Variants in MGAM observed in about 807,000 individuals in gnomAD.
MGAM encodes the protein alpha-1,4-glucosidase.
In MGAM, 253 loss-of-function variants were observed where a neutral mutation model predicts 358.8. The observed-to-expected ratio is 0.71, with a 90% CI of 0.64 to 0.78. The LOEUF (loss-of-function observed/expected upper bound fraction) is 0.78, where lower values mean the gene tolerates loss of function less well. MGAM is among the 30% of genes least tolerant of loss of function. The pLI is 0.00. For missense variants in MGAM, 3,080 were observed against 3,432.6 expected, an observed-to-expected ratio of 0.90 and a Z score of 2.57; for synonymous variants, 1,105 against 1,227.1, an observed-to-expected ratio of 0.90 and a Z score of 2.08.
chr7:142,076,527 A>G (rs2129050145), intron 46 of MGAM, 132 bp from the exon 47 acceptor site: 1 of 924,618 alleles, frequency 1.1e-6, no homozygotes, highest in East Asian at 2.5e-5. Flanking sequence ...TTGAGCAGAC[A>G]CTAGTAGAGA....
rs782294372 is a variant in MGAM, at chr7:142,021,010, C to T, written c.485C>T (p.Pro162Leu). 6.2e-7 allele frequency: 1 copy of T among 1,613,550 alleles called. No homozygotes were observed. The highest frequency in any genetic ancestry group is 1.1e-5 in the South Asian group (1 of 91,076). ...TARLKNLPSS[P>L]VFGSNVDNVL... ...CGGTTGAAAAATCTGCCTTCTTCACCAGTGTTTGGAAGCAATGTTGACAAT... is the reference window on the plus strand; with the variant it reads ...CGGTTGAAAAATCTGCCTTCTTCACTAGTGTTTGGAAGCAATGTTGACAAT... Residue 162 changes from proline to leucine, a missense_variant, in exon 5 of 71, where the codon CCA becomes CTA. Pro to Leu is a moderately conservative substitution (Grantham distance 98). Coordinates refer to ENST00000475668, the MANE Select transcript of MGAM (RefSeq NM_001365693.1).
intron 64 of MGAM, 173 bp from the exon 65 acceptor site, chr7:142,096,158 C>T (rs1330489915): frequency 6.0e-6 from 4 of 666,546 alleles, no homozygotes; most frequent in Admixed American, 2.5e-5. Context: ...GAGGCACATC[C>T]CATGGGGAAA....
intron 19 of MGAM, among the ~76,000 whole-genome samples, chr7:142,039,589 A>G (rs73740232): frequency 0.069 from 10,534 of 152,096 alleles, 1,199 homozygotes; most frequent in African/African-American, 0.24. Context: ...CATCCAAACT[A>G]TATCAAGAGT....
rs1248114304 is a variant in MGAM at position 142,056,920 on chromosome 7, T to G, written c.3671T>G (p.Leu1224Arg). The G allele has an allele frequency of 1.2e-6, 2 of 1,613,756 alleles. No individual in the cohort carries two copies. The highest frequency in any genetic ancestry group is 1.3e-5 in the African/African-American group (1 of 74,908). ...FYVFLGPTPE[L>R]VTQQYTELIG... ...GTGTTCTTGGGGCCGACTCCAGAGC[T>G]TGTCACCCAGCAGTACACTGAGGTA... Residue 1224 changes from leucine (L) to arginine (R), a missense_variant, in exon 30 of 71, where the codon CTT becomes CGT. Around this residue, in one of 5 missense-constraint regions of MGAM, gnomAD observed 1,816 missense variants for 1,840.5 expected, o/e 0.99. Coordinates refer to ENST00000475668, the MANE Select transcript of MGAM (RefSeq NM_001365693.1).
At position 142,082,007 on chromosome 7, in the gene MGAM, A is replaced by G. The variant is rs1814340068; in HGVS notation, c.6003-35A>G. On this transcript the variant is annotated intron_variant, in intron 50 of 70. Coordinates refer to ENST00000475668, the MANE Select transcript of MGAM (RefSeq NM_001365693.1). Reference sequence around the variant, plus strand: ...CTGCTGGAAGCAGAGAGAAAAGCCCATTTTCTGTTTCAAATCTGCCTTTTT... The same window carrying G: ...CTGCTGGAAGCAGAGAGAAAAGCCCGTTTTCTGTTTCAAATCTGCCTTTTT... The G allele has an allele frequency of 1.9e-6, 3 of 1,542,732 alleles. No homozygotes were observed. In the African/African-American group the frequency reaches 4.0e-5, roughly 21 times the overall value.
Position 142,105,840 on chromosome 7 carries a change from A to C in MGAM, c.8211A>C (p.Arg2737Ser). ...TATTAAGCATCGATGTGACTGACAGAAACATCAGCCTACATAATTTTACTT... is the reference window on the plus strand; with the variant it reads ...TATTAAGCATCGATGTGACTGACAGCAACATCAGCCTACATAATTTTACTT... ...TQVLSIDVTD[R>S]NISLHNFTSL... Residue 2737 changes from arginine to serine, a missense_variant, in exon 71 of 71, where the codon AGA becomes AGC. Around this residue, in one of 5 missense-constraint regions of MGAM, gnomAD observed 194 missense variants for 172.8 expected, o/e 1.12. Transcript: ENST00000475668. The C allele has an allele frequency of 6.2e-7, 1 of 1,613,584 alleles. No individual in the cohort carries two copies.
intron 1 of MGAM, among the ~76,000 whole-genome samples, chr7:141,996,623 A>G (rs1264906831): frequency 6.6e-6 from 1 of 152,210 alleles, no homozygotes; most frequent in African/African-American, 2.4e-5. Context: ...GTGAGATTAG[A>G]GCATTTTCCC....
intron 7 of MGAM, 47 bp downstream of exon 7, chr7:142,022,486 T>G: frequency 6.4e-7 from 1 of 1,569,212 alleles, no homozygotes; most frequent in Non-Finnish European, 8.7e-7. Context: ...ATAGTCTCAT[T>G]CTTAAAGGTC....
chr7:141,995,674 C>A (rs531218761), upstream of MGAM, among the ~76,000 whole-genome samples: 1 of 152,292 alleles, frequency 6.6e-6, no homozygotes, highest in East Asian at 1.9e-4. Context: ...TGGAGTGGGT[C>A]ATGGGAGCTG....
chr7:142,002,567 C>G (rs1015982554), intron 1 of MGAM, among the ~76,000 whole-genome samples: 2 of 151,890 alleles, frequency 1.3e-5, no homozygotes, highest in Non-Finnish European at 2.9e-5. Context: ...GTAGGGAGAC[C>G]ATACCTCAAA....
chr7:142,065,225 C>T, intron 37 of MGAM, 110 bp from the exon 38 acceptor site: 2 of 1,432,474 alleles, frequency 1.4e-6, no homozygotes, highest in Non-Finnish European at 1.9e-6. Flanking sequence ...CATGTTCCCT[C>T]CAGTCACGCA....
intron 49 of MGAM, 135 bp downstream of exon 49, chr7:142,079,143 G>T: frequency 1.2e-6 from 1 of 867,286 alleles, no homozygotes. Flanking sequence ...AGAACATTGA[G>T]AAATCATTGA....
At chr7:142,095,222 C>T (rs1815786129) in intron 63 of MGAM, among the ~76,000 whole-genome samples, 1 of 152,196 alleles carries the variant, frequency 6.6e-6, no homozygotes, top group Non-Finnish European at 1.5e-5. Context: ...GCTGGGATTA[C>T]AGGCGTGAGC....
chr7:142,009,064 A>C (rs1805398778), intron 3 of MGAM, among the ~76,000 whole-genome samples: 1 of 152,172 alleles, frequency 6.6e-6, no homozygotes, highest in Non-Finnish European at 1.5e-5. Flanking sequence ...GCAACACTAC[A>C]TGATTACTAG....
intron 18 of MGAM, among the ~76,000 whole-genome samples, chr7:142,037,324 T>C (rs1221410295): frequency 6.6e-6 from 1 of 152,188 alleles, no homozygotes; most frequent in Non-Finnish European, 1.5e-5. Flanking sequence ...GGATTTGAAA[T>C]CTTGACTGTG....
In MGAM at chr7:142,086,674, A is replaced by C. The variant is rs778359045; in HGVS notation, c.6767A>C (p.Asp2256Ala). The change falls in exon 57 of 71, where the codon GAT becomes GCT. Residue 2256 changes from aspartate to alanine, a missense_variant. Coordinates refer to ENST00000475668, the MANE Select transcript of MGAM (RefSeq NM_001365693.1). ...CCATAGGTCTGGCCTGATTTTCCTG[A>C]TGTTGTTGTGAATGGGTCTCTAGAC... ...VWGKVWPDFP[D>A]VVVNGSLDWD... 10 of 1,117,178 alleles carry C rather than the reference A, an allele frequency of 9.0e-6. 5 individuals carry two copies. Among genetic ancestry groups the C allele is most frequent in the Non-Finnish European group, 1.2e-5 (10 of 809,030 alleles). The allele number at this position is 1,117,178 out of a possible 1,614,324, so 69.2% of individuals were successfully genotyped here. A position where few individuals can be genotyped will look rare whatever the true frequency, so the allele number is the denominator to read the frequency against.
rs767967342 is a variant in MGAM at position 142,093,521 on chromosome 7, C to T, written c.7143C>T (p.Tyr2381=). The T allele has an allele frequency of 8.4e-5, 126 of 1,504,250 alleles. 21 individuals are homozygous for T. Among genetic ancestry groups the T allele is most frequent in the Middle Eastern group, 3.4e-4 (2 of 5,918 alleles). The allele number at this position is 1,504,250 out of a possible 1,614,324, so 93.2% of individuals were successfully genotyped here. A position where few individuals can be genotyped will look rare whatever the true frequency, so the allele number is the denominator to read the frequency against. Residue 2381 remains tyrosine (Y), a synonymous_variant, in exon 60 of 71, where the codon TAC becomes TAT. Coordinates refer to ENST00000475668, the MANE Select transcript of MGAM (RefSeq NM_001365693.1). ...PVQHYNVHNL[Y]GWSQTRPTYE... ...AGCACTACAATGTGCACAACCTGTA[C>T]GGGTGGTCCCAGACCAGACCCACAT... is the stretch of plus-strand genomic sequence containing the variant.
At position 142,076,890 on chromosome 7, in the gene MGAM, T is replaced by C; in HGVS notation, c.5493+64T>C. The C allele has an allele frequency of 2.0e-6, 3 of 1,486,794 alleles. No individual in the cohort carries two copies. The Admixed American group carries it at 5.4e-5, about 27-fold the overall frequency. 92.1% of individuals were successfully genotyped at this position (1,486,794 alleles called of 1,614,324 possible). A position where few individuals can be genotyped will look rare whatever the true frequency, so the allele number is the denominator to read the frequency against. On this transcript the variant is annotated intron_variant, in intron 47 of 70. Coordinates refer to ENST00000475668, the MANE Select transcript of MGAM (RefSeq NM_001365693.1). ...CTCCATAGCACCATGATGTTTCTTC[T>C]TGCCAAGTTTGCATGGGTCCCTGAA...
At chr7:141,999,483 G>A (rs1554450005) in intron 1 of MGAM, among the ~76,000 whole-genome samples, 1 of 152,172 alleles carries the variant, frequency 6.6e-6, no homozygotes, top group Non-Finnish European at 1.5e-5. Context: ...TCAGCTGTAT[G>A]ATGACATCAG....
Sources: allele counts gnomAD v4.1 joint callset (sites outside exome capture counted in the v4.1 genomes callset), GRCh38; gene constraint gnomAD v4.1.1; regional missense constraint gnomAD v4.1.1; transcripts MANE v1.5; gene names NCBI Gene and HGNC (gene_info 2026-07-23, HGNC 2026-07-21).